The following WRNIP1 variants were observed in gnomAD, a reference collection of about 807,000 sequenced individuals.
WRNIP1 encodes WRN helicase interacting protein 1.
A neutral mutation model predicts 56.1 loss-of-function variants in WRNIP1; 41 were observed. The ratio of observed to expected loss-of-function variants is 0.73; its 90% CI spans 0.57 to 0.95. The LOEUF is 0.95. Among genes scored for constraint, WRNIP1 ranks in the 40% least tolerant of loss-of-function variants. WRNIP1 has a pLI of 0.00. For synonymous variants in WRNIP1, 547 were observed against 398.1 expected (o/e 1.37, Z -4.45); for missense variants, 1,170 against 939.4 (o/e 1.25, Z -3.21).
intron 1 of WRNIP1, among the ~76,000 whole-genome samples, chr6:2,767,777 C>CA (rs1430424934): frequency 6.6e-6 from 1 of 152,162 alleles, no homozygotes; most frequent in African/African-American, 2.4e-5. Flanking sequence ...TACCAAATGC[C>CA]AGGCAAGAGG....
At chr6:2,773,415 A>T (rs1765356548) in intron 3 of WRNIP1, 1 of 985,420 alleles carries the variant, frequency 1.0e-6, no homozygotes. Flanking sequence ...CACCTCCTAG[A>T]TGAGGGGATG....
chr6:2,775,333 G>C (rs1444095972), intron 3 of WRNIP1, among the ~76,000 whole-genome samples: 2 of 152,212 alleles, frequency 1.3e-5, no homozygotes, highest in East Asian at 3.8e-4. Flanking sequence ...CCCAGGGTCT[G>C]CCCCTGGAGA....
At chr6:2,766,966 A>G (rs185967703) in intron 1 of WRNIP1, among the ~76,000 whole-genome samples, 31 of 152,346 alleles carry the variant, frequency 2.0e-4, no homozygotes, top group Non-Finnish European at 2.6e-4. Context: ...TTTATTTAAC[A>G]TTCTTATATT....
rs377140054 is a variant in WRNIP1 at position 2,768,688 on chromosome 6, T to C, written c.823-3T>C. On this transcript the variant is annotated splice_region_variant and splice_polypyrimidine_tract_variant and intron_variant, in intron 1 of 6. Coordinates refer to ENST00000380773, the MANE Select transcript of WRNIP1 (RefSeq NM_020135.3). ...CAAACTCCATGTATGTCATCTTTTC[T>C]AGACCACTCTGGCTCACATCATAGC... 5 of 1,599,760 alleles carry C rather than the reference T, an allele frequency of 3.1e-6. No individual in the cohort carries two copies. In the African/African-American group the frequency reaches 5.4e-5, roughly 17 times the overall value.
chr6:2,766,159 C>T lies in WRNIP1; in HGVS notation c.537C>T (p.Asp179=). 7.5e-7 allele frequency: 1 copy of T among 1,331,838 alleles called. No individual in the cohort carries two copies. The highest frequency in any genetic ancestry group is 9.5e-7 in the Non-Finnish European group (1 of 1,047,770). The allele number at this position is 1,331,838 out of a possible 1,614,324, so 82.5% of individuals were successfully genotyped here. A position where few individuals can be genotyped will look rare whatever the true frequency, so the allele number is the denominator to read the frequency against. ...ACGGCGATGGCGACGGGGACGCGGA[C>T]GCGGACGGCGAGGACGACCCGGGGC... ...VGDGDGDGDA[D]ADGEDDPGHW... The change falls in exon 1 of 7, where the codon GAC becomes GAT. Residue 179 remains aspartate (D), a synonymous_variant. Coordinates refer to ENST00000380773, the MANE Select transcript of WRNIP1 (RefSeq NM_020135.3).
At chr6:2,769,955 TCCCCCAAATATTG>T in intron 2 of WRNIP1, among the ~76,000 whole-genome samples, 152 bp from the exon 3 acceptor site, 1 of 152,244 alleles carries the variant, frequency 6.6e-6, no homozygotes, top group South Asian at 2.1e-4. Flanking sequence ...AGAGTTGTAC[TCCCCCAAATATTG>T]CATCTATATT....
rs370770188 is a variant in WRNIP1, at chr6:2,766,342, C to T, written c.720C>T (p.Phe240=). ...GTCCTGACACGCTGCAGGATTACTTCGGGCAGAGCAAGGCCGTGGGCCAGG... is the reference window on the plus strand; with the variant it reads ...GTCCTGACACGCTGCAGGATTACTTTGGGCAGAGCAAGGCCGTGGGCCAGG... ...TMRPDTLQDY[F]GQSKAVGQDT... is the part of the protein sequence containing the mutation. The change falls in exon 1 of 7, where the codon TTC becomes TTT. Residue 240 remains phenylalanine (F), a synonymous_variant. Coordinates refer to ENST00000380773, the MANE Select transcript of WRNIP1 (RefSeq NM_020135.3). The T allele has an allele frequency of 6.8e-6, 11 of 1,610,542 alleles. No individual in the cohort carries two copies. Among genetic ancestry groups the T allele is most frequent in the East Asian group, 2.2e-5 (1 of 44,762 alleles).
intron 3 of WRNIP1, chr6:2,773,275 T>G (rs1765352368): frequency 1.0e-6 from 1 of 985,426 alleles, no homozygotes; most frequent in African/African-American, 1.7e-5. Context: ...AAAAGCTTGT[T>G]CCTGTGCCTT....
chr6:2,770,654 T>G (rs878912801), intron 3 of WRNIP1, among the ~76,000 whole-genome samples: 4 of 152,248 alleles, frequency 2.6e-5, no homozygotes, highest in African/African-American at 7.2e-5. Flanking sequence ...TGCTTAGGCT[T>G]CTATGGGAAG....
intron 2 of WRNIP1, among the ~76,000 whole-genome samples, chr6:2,769,151 T>C (rs1019496280): frequency 1.3e-5 from 2 of 152,216 alleles, no homozygotes; most frequent in African/African-American, 4.8e-5. Flanking sequence ...AATTTCCAGT[T>C]TTAGGAATTT....
intron 3 of WRNIP1, among the ~76,000 whole-genome samples, chr6:2,774,673 C>G (rs901892393): frequency 2.0e-5 from 3 of 152,178 alleles, no homozygotes; most frequent in Non-Finnish European, 4.4e-5. Context: ...ACTATTCAAC[C>G]CACTACAGAC....
intron 4 of WRNIP1, among the ~76,000 whole-genome samples, chr6:2,780,255 G>C (rs931918657): frequency 2.0e-5 from 3 of 152,198 alleles, no homozygotes; most frequent in African/African-American, 7.2e-5. Flanking sequence ...ACTTTTCAAA[G>C]CTCTGCCAGA....
In WRNIP1 at chr6:2,768,827, A is replaced by G; in HGVS notation, c.959A>G (p.Lys320Arg). 1 of 1,613,906 alleles carries G rather than the reference A, an allele frequency of 6.2e-7. No individual in the cohort carries two copies. Among genetic ancestry groups the G allele is most frequent in the African/African-American group, 1.3e-5 (1 of 75,072 alleles). ...KQAQNEKSFF[K>R]RKTILFIDEI... ...GCTCAAAATGAAAAGAGCTTTTTCA[A>G]AAGGAAAACCATCCTTTTTATTGAT... The change falls in exon 2 of 7, where the codon AAA becomes AGA. Residue 320 changes from lysine to arginine, a missense_variant. By Grantham distance (26) the Lys-to-Arg change is conservative. Transcript: ENST00000380773.
chr6:2,774,745 G>A (rs1409912877), intron 3 of WRNIP1, among the ~76,000 whole-genome samples: 2 of 152,288 alleles, frequency 1.3e-5, no homozygotes, highest in East Asian at 3.9e-4. Context: ...ACAGAAAGAC[G>A]TCGTCATCTG....
intron 4 of WRNIP1, 64 bp from the exon 5 acceptor site, chr6:2,783,342 G>A: frequency 1.4e-6 from 2 of 1,472,620 alleles, no homozygotes; most frequent in Non-Finnish European, 1.8e-6. Context: ...AGCTGGCGGA[G>A]GTGAAGATGG....
At chr6:2,780,942 A>G (rs2113480014) in intron 4 of WRNIP1, among the ~76,000 whole-genome samples, 1 of 152,298 alleles carries the variant, frequency 6.6e-6, no homozygotes, top group South Asian at 2.1e-4. Flanking sequence ...CATTTTTTAA[A>G]TTCTCAAAAT....
chr6:2,783,781 T>C (rs1272808355), intron 5 of WRNIP1, among the ~76,000 whole-genome samples: 1 of 152,156 alleles, frequency 6.6e-6, no homozygotes, highest in African/African-American at 2.4e-5. Context: ...TGAATGTTTA[T>C]GTTCATAAAG....
At position 2,766,330 on chromosome 6, in the gene WRNIP1, G is replaced by A. The variant is rs1386822031; in HGVS notation, c.708G>A (p.Leu236=). ...PLADTMRPDT[L]QDYFGQSKAV... ...CCGACACGATGCGTCCTGACACGCT[G>A]CAGGATTACTTCGGGCAGAGCAAGG... The change falls in exon 1 of 7, where the codon CTG becomes CTA. Residue 236 remains leucine (L), a synonymous_variant. Coordinates refer to ENST00000380773, the MANE Select transcript of WRNIP1 (RefSeq NM_020135.3). 1.2e-6 allele frequency: 2 copies of A among 1,610,726 alleles called. No homozygotes were observed. The highest frequency in any genetic ancestry group is 1.7e-4 in the Middle Eastern group (1 of 6,060).
At chr6:2,769,158 A>T (rs1310397446) in intron 2 of WRNIP1, among the ~76,000 whole-genome samples, 1 of 152,240 alleles carries the variant, frequency 6.6e-6, no homozygotes, top group Non-Finnish European at 1.5e-5. Context: ...AGTTTTAGGA[A>T]TTTTTAATCT....
Sources: allele counts gnomAD v4.1 joint callset (sites outside exome capture counted in the v4.1 genomes callset), GRCh38; gene constraint gnomAD v4.1.1; transcripts MANE v1.5; gene names NCBI Gene and HGNC (gene_info 2026-07-23, HGNC 2026-07-21).